Variants in PCCA observed in about 807,000 individuals in gnomAD.
The protein encoded by PCCA is propionyl-CoA carboxylase alpha chain, mitochondrial.
PCCA carries 74 observed loss-of-function variants against 101.3 expected under a neutral mutation model. That is an observed-to-expected ratio of 0.73 (90% CI 0.61 to 0.89). The LOEUF is 0.89. Ranked by LOEUF, PCCA falls within the 40% of genes least tolerant of loss-of-function variation. The pLI is 0.00. For missense variants in PCCA, 891 were observed against 907.0 expected, an observed-to-expected ratio of 0.98 and a Z score of 0.23; for synonymous variants, 294 against 313.6, an observed-to-expected ratio of 0.94 and a Z score of 0.66.
chr13:100,335,762 G>A (rs112898766), intron 17 of PCCA, among the ~76,000 whole-genome samples: 1 of 152,116 alleles, frequency 6.6e-6, no homozygotes, highest in African/African-American at 2.4e-5. Flanking sequence ...GTTCCCAGGG[G>A]ACTGGCAGGC....
chr13:100,194,359 T>C (rs1360967117), intron 6 of PCCA, among the ~76,000 whole-genome samples: 1 of 152,100 alleles, frequency 6.6e-6, no homozygotes, highest in Non-Finnish European at 1.5e-5. Context: ...TCAAAGAAAA[T>C]AGAAAAAGCA....
chr13:100,095,382 C>G (rs1353192140), intron 1 of PCCA, among the ~76,000 whole-genome samples: 2 of 152,172 alleles, frequency 1.3e-5, no homozygotes, highest in African/African-American at 4.8e-5. Flanking sequence ...CTACTTAGAG[C>G]TGGGAATATA....
At chr13:100,245,039 C>A (rs1476390316) in intron 8 of PCCA, among the ~76,000 whole-genome samples, 2 of 151,670 alleles carry the variant, frequency 1.3e-5, no homozygotes, top group African/African-American at 4.8e-5. Context: ...TAATTACAGA[C>A]CCCAAATAGT....
At chr13:100,523,053 T>C (rs1387708738) in intron 22 of PCCA, among the ~76,000 whole-genome samples, 1 of 152,134 alleles carries the variant, frequency 6.6e-6, no homozygotes, top group Non-Finnish European at 1.5e-5. Flanking sequence ...TCCTGCACTT[T>C]CTTTGAGCGT....
chr13:100,507,814 G>A (rs1411175630), intron 21 of PCCA, among the ~76,000 whole-genome samples: 2 of 150,890 alleles, frequency 1.3e-5, no homozygotes, highest in East Asian at 1.9e-4. Flanking sequence ...CCACCACCAC[G>A]CCTGGCTAAT....
Position 100,264,196 on chromosome 13 carries a change from CATATAT to C in PCCA, c.819+1366_819+1371del, listed in dbSNP as rs1566823363. On this transcript the variant is annotated intron_variant, in intron 10 of 23. Transcript: ENST00000376285. ...TCGTATATATGTGATATCTGTATAT[CATATAT>C]GTGATATCTGTATCTCATATATATG... Among the ~76,000 whole-genome samples, 139 of 51,094 alleles carry C rather than the reference CATATAT, an allele frequency of 2.7e-3. 4 individuals are homozygous for C. Among genetic ancestry groups the C allele is most frequent in the Middle Eastern group, 0.012 (1 of 82 alleles). The allele number at this position is 51,094 out of a possible 152,430, so 33.5% of individuals were successfully genotyped here.
In PCCA at chr13:100,371,646, A is replaced by G. The variant is rs958684105; in HGVS notation, c.1746+3072A>G. Among the ~76,000 whole-genome samples the G allele has an allele frequency of 2.6e-5, 4 of 152,234 alleles. No homozygotes were observed. The East Asian group carries it at 5.8e-4, about 22-fold the overall frequency. On this transcript the variant is annotated intron_variant, in intron 19 of 23. Transcript: ENST00000376285. ...GATCTACAGATACAACGCCATCCCTATCAGAACCCCCAAATACATTTTGTT... is the reference window on the plus strand; with the variant it reads ...GATCTACAGATACAACGCCATCCCTGTCAGAACCCCCAAATACATTTTGTT...
In PCCA at chr13:100,248,181, T is replaced by C. The variant is rs74113855; in HGVS notation, c.638-9414T>C. On this transcript the variant is annotated intron_variant, in intron 8 of 23. Transcript: ENST00000376285. ...TCTTTTAGCTGGAGAGTTTAGTCCATTTATATTTATTGTATTTAAAATTAT... is the reference window on the plus strand; with the variant it reads ...TCTTTTAGCTGGAGAGTTTAGTCCACTTATATTTATTGTATTTAAAATTAT... Among the ~76,000 whole-genome samples, 1,360 of 152,270 alleles carry C rather than the reference T, an allele frequency of 8.9e-3. 21 individuals are homozygous for C. Among genetic ancestry groups the C allele is most frequent in the African/African-American group, 0.031 (1,299 of 41,582 alleles).
At chr13:100,242,139 A>G (rs569891779) in intron 8 of PCCA, among the ~76,000 whole-genome samples, 2 of 152,314 alleles carry the variant, frequency 1.3e-5, no homozygotes, top group South Asian at 4.1e-4. Flanking sequence ...TAGATTAAAA[A>G]AAGTGACTCA....
chr13:100,264,240 ATCATATATATGTGATATCTGTATC>A (rs1566823610), intron 10 of PCCA, among the ~76,000 whole-genome samples: 137 of 122,802 alleles, frequency 1.1e-3, no homozygotes, highest in Middle Eastern at 5.6e-3. Context: ...ATATCTGTAT[ATCATATATATGTGATATCTGTATC>A]TCATATATAT....
intron 21 of PCCA, among the ~76,000 whole-genome samples, chr13:100,492,499 A>G (rs986499089): frequency 6.6e-6 from 1 of 151,928 alleles, no homozygotes; most frequent in Non-Finnish European, 1.5e-5. Context: ...AGCCTCATGC[A>G]GTTGACTGAA....
chr13:100,395,716 G>A (rs989732145), intron 19 of PCCA, among the ~76,000 whole-genome samples: 3 of 152,212 alleles, frequency 2.0e-5, no homozygotes, highest in South Asian at 4.1e-4. Flanking sequence ...CCATGATTTT[G>A]TAATGTTTTT....
chr13:100,530,292 CCA>C lies in PCCA; in HGVS notation c.*129_*130del, dbSNP rs2088310964. 5 of 801,324 alleles carry C rather than the reference CCA, an allele frequency of 6.2e-6. No homozygotes were observed. The highest frequency in any genetic ancestry group is 2.6e-5 in the East Asian group (1 of 38,148). 49.6% of individuals were successfully genotyped at this position (801,324 alleles called of 1,614,324 possible). ...AGCTACGTTTACGTCGTCATTTATTCCACAGAGTCAAGACCAATATTCTGCCA... is the reference window on the plus strand; with the variant it reads ...AGCTACGTTTACGTCGTCATTTATTCCAGAGTCAAGACCAATATTCTGCCA... On this transcript the variant is annotated 3_prime_UTR_variant, in exon 24 of 24. Coordinates refer to ENST00000376285, the MANE Select transcript of PCCA (RefSeq NM_000282.4).
intron 18 of PCCA, among the ~76,000 whole-genome samples, chr13:100,358,615 G>T (rs2152795645): frequency 6.6e-6 from 1 of 152,238 alleles, no homozygotes; most frequent in Admixed American, 6.5e-5. Flanking sequence ...GCAGAAGAAG[G>T]AATAGGTAAC....
At chr13:100,506,971 C>T (rs1172327645) in intron 21 of PCCA, among the ~76,000 whole-genome samples, 2 of 152,166 alleles carry the variant, frequency 1.3e-5, no homozygotes, top group African/African-American at 2.4e-5. Context: ...ACTTTCTTAC[C>T]GGTTTACCAA....
At chr13:100,248,101 A>C (rs1056531539) in intron 8 of PCCA, among the ~76,000 whole-genome samples, 1 of 152,164 alleles carries the variant, frequency 6.6e-6, no homozygotes, top group African/African-American at 2.4e-5. Flanking sequence ...GTGCACATCT[A>C]AATTTGGACT....
At chr13:100,514,935 C>T (rs1364471563) in intron 21 of PCCA, among the ~76,000 whole-genome samples, 2 of 152,208 alleles carry the variant, frequency 1.3e-5, no homozygotes, top group Non-Finnish European at 2.9e-5. Context: ...AAAATGAACA[C>T]TGAACCCCAT....
intron 19 of PCCA, among the ~76,000 whole-genome samples, chr13:100,395,905 C>A (rs1195892487): frequency 6.6e-6 from 1 of 152,132 alleles, no homozygotes; most frequent in African/African-American, 2.4e-5. Flanking sequence ...GCAGAGTGGG[C>A]AGTCTTATAA....
intron 20 of PCCA, among the ~76,000 whole-genome samples, chr13:100,434,800 C>T (rs777526371): frequency 9.2e-5 from 14 of 152,208 alleles, no homozygotes; most frequent in Non-Finnish European, 1.8e-4. Flanking sequence ...TCTAAGAATT[C>T]GCATGAATAA....
Sources: gnomAD v4.1 joint callset for allele counts (sites outside exome capture counted in the v4.1 genomes callset) on GRCh38, gnomAD v4.1.1 for gene constraint, MANE v1.5 for transcripts, NCBI Gene and HGNC (gene_info 2026-07-23, HGNC 2026-07-21) for gene names.